The following NRG1 variants were observed in gnomAD, a reference collection of about 807,000 sequenced individuals.
The protein encoded by NRG1 is neuregulin 1.
Under a neutral mutation model 63.8 loss-of-function variants are expected in NRG1, and 18 were observed. The observed-to-expected ratio is 0.28, with a 90% CI of 0.19 to 0.42. The LOEUF (loss-of-function observed/expected upper bound fraction) is 0.42. NRG1 is among the 10% of genes least tolerant of loss of function. The probability of loss-of-function intolerance (pLI) is 1.00; values close to 1 mark genes in which losing one functional copy is unlikely to be tolerated. For missense variants in NRG1, 762 were observed against 814.7 expected (o/e 0.94, Z 0.79); for synonymous variants, 302 against 301.3 (o/e 1.00, Z -0.02).
intron 1 of NRG1, among the ~76,000 whole-genome samples, chr8:32,250,364 A>G (rs945088554): frequency 2.0e-5 from 3 of 152,170 alleles, no homozygotes; most frequent in African/African-American, 7.2e-5. Flanking sequence ...GATGAGAAGC[A>G]AGAACAAGGT....
intron 5 of NRG1, among the ~76,000 whole-genome samples, chr8:32,674,726 C>T (rs1806610727): frequency 1.3e-5 from 2 of 152,096 alleles, no homozygotes; most frequent in South Asian, 4.1e-4. Context: ...AATTTAATTT[C>T]TTAGAATTAT....
intron 1 of NRG1, among the ~76,000 whole-genome samples, chr8:32,321,576 A>G (rs1268010330): frequency 6.7e-6 from 1 of 149,842 alleles, no homozygotes; most frequent in African/African-American, 2.4e-5. Flanking sequence ...CATGGGCTGG[A>G]AATACTGGGA....
At chr8:32,322,028 C>T (rs1274357530) in intron 1 of NRG1, among the ~76,000 whole-genome samples, 2 of 151,834 alleles carry the variant, frequency 1.3e-5, no homozygotes, top group Non-Finnish European at 2.9e-5. Flanking sequence ...TTTTAAATGA[C>T]ATTGTCAGGC....
intron 1 of NRG1, among the ~76,000 whole-genome samples, chr8:31,867,949 C>T (rs910772006): frequency 1.3e-5 from 2 of 152,074 alleles, no homozygotes; most frequent in African/African-American, 4.8e-5. Context: ...GGACCAACTG[C>T]TCTTGAACTC....
intron 6 of NRG1, among the ~76,000 whole-genome samples, chr8:32,738,770 A>G (rs188501691): frequency 7.0e-4 from 106 of 152,344 alleles, no homozygotes; most frequent in Non-Finnish European, 1.8e-4. Flanking sequence ...CAGTTTGCAT[A>G]TGCAGAAACT....
At chr8:32,535,391 A>G (rs1831858009) in intron 1 of NRG1, among the ~76,000 whole-genome samples, 1 of 152,210 alleles carries the variant, frequency 6.6e-6, no homozygotes, top group African/African-American at 2.4e-5. Flanking sequence ...ATAAATGTGC[A>G]TTAAAGTTTA....
chr8:32,615,039 A>G (rs112176939), intron 4 of NRG1, among the ~76,000 whole-genome samples: 2,975 of 90,860 alleles, frequency 0.033, 99 homozygotes, highest in African/African-American at 0.15. Context: ...ACAAAACAAA[A>G]AGACTTACAG....
intron 1 of NRG1, among the ~76,000 whole-genome samples, chr8:32,095,908 G>A (rs764819191): frequency 7.9e-5 from 12 of 152,150 alleles, no homozygotes; most frequent in Non-Finnish European, 1.8e-4. Context: ...ATAATAAGAA[G>A]GTAATGTGAT....
intron 1 of NRG1, among the ~76,000 whole-genome samples, chr8:32,013,255 T>G (rs538703303): frequency 6.6e-6 from 1 of 151,976 alleles, no homozygotes; most frequent in Non-Finnish European, 1.5e-5. Flanking sequence ...GCAGACTGTA[T>G]CCAAGACTGG....
chr8:32,419,378 A>G (rs973267419), intron 1 of NRG1, among the ~76,000 whole-genome samples: 21 of 152,292 alleles, frequency 1.4e-4, no homozygotes, highest in African/African-American at 4.6e-4. Flanking sequence ...CTGGATGGTG[A>G]AAATATTCTC....
At chr8:32,608,117 T>C (rs945171910) in intron 3 of NRG1, among the ~76,000 whole-genome samples, 1 of 149,058 alleles carries the variant, frequency 6.7e-6, no homozygotes, top group Non-Finnish European at 1.5e-5. Flanking sequence ...GTTTTTTTTT[T>C]TTTTTGCTTC....
At chr8:31,787,655 T>C (rs1820305310) in intron 1 of NRG1, among the ~76,000 whole-genome samples, 1 of 152,214 alleles carries the variant, frequency 6.6e-6, no homozygotes. Flanking sequence ...TTATAAGTTG[T>C]CATAAGCTTA....
chr8:32,725,033 T>C (rs1821718926), intron 5 of NRG1, among the ~76,000 whole-genome samples: 1 of 152,224 alleles, frequency 6.6e-6, no homozygotes, highest in South Asian at 2.1e-4. Context: ...GTTAATCTTA[T>C]TTTGATGATC....
chr8:32,671,059 G>A lies in NRG1; in HGVS notation c.502+54174G>A, dbSNP rs960096004. ...GGAGACTAGCAGACAACACACATAGGAAACTTTTGCCACTTAATTATTATT... is the reference window on the plus strand; with the variant it reads ...GGAGACTAGCAGACAACACACATAGAAAACTTTTGCCACTTAATTATTATT... On this transcript the variant is annotated intron_variant, in intron 5 of 11. Coordinates refer to ENST00000356819, the Ensembl canonical transcript of NRG1. Among the ~76,000 whole-genome samples the A allele has an allele frequency of 5.3e-5, 8 of 151,752 alleles. No homozygotes were observed. In the East Asian group the frequency reaches 1.5e-3, roughly 29 times the overall value.
intron 5 of NRG1, among the ~76,000 whole-genome samples, chr8:32,721,494 G>A (rs577023034): frequency 5.9e-5 from 9 of 152,140 alleles, no homozygotes; most frequent in African/African-American, 1.7e-4. Flanking sequence ...TCCATTAACC[G>A]TCTCCTGAGA....
chr8:32,582,632 A>T (rs1244220746), intron 1 of NRG1, among the ~76,000 whole-genome samples: 1 of 152,182 alleles, frequency 6.6e-6, no homozygotes, highest in Non-Finnish European at 1.5e-5. Context: ...TAATAGATGG[A>T]CTTGGCCAAG....
intron 5 of NRG1, among the ~76,000 whole-genome samples, chr8:32,712,734 G>A (rs1818135655): frequency 6.6e-6 from 1 of 152,054 alleles, no homozygotes; most frequent in South Asian, 2.1e-4. Flanking sequence ...GGGTAGTTAT[G>A]GTTAAGATTT....
chr8:31,703,371 T>G (rs1810817883), intron 1 of NRG1, among the ~76,000 whole-genome samples: 1 of 152,042 alleles, frequency 6.6e-6, no homozygotes, highest in Non-Finnish European at 1.5e-5. Flanking sequence ...AAAATAAACA[T>G]GTCTCTGCCA....
intron 11 of NRG1, 154 bp downstream of exon 11, chr8:32,760,560 T>A: frequency 6.9e-7 from 1 of 1,444,368 alleles, no homozygotes; most frequent in Non-Finnish European, 9.1e-7. Context: ...AAGTCATCTC[T>A]TTGTTTGACG....
Sources: gnomAD v4.1 joint callset for allele counts (sites outside exome capture counted in the v4.1 genomes callset) on GRCh38, gnomAD v4.1.1 for gene constraint, MANE v1.5 for transcripts, NCBI Gene and HGNC (gene_info 2026-07-23, HGNC 2026-07-21) for gene names.